Variants in SLC29A4 observed in about 807,000 individuals in gnomAD.
SLC29A4 encodes the protein equilibrative nucleoside transporter 4.
SLC29A4 carries 36 observed loss-of-function variants against 43.9 expected under a neutral mutation model. The ratio of observed to expected loss-of-function variants is 0.82; its 90% CI spans 0.63 to 1.08. SLC29A4 has a LOEUF of 1.08. SLC29A4 is among the 50% of genes least tolerant of loss of function. The probability of loss-of-function intolerance (pLI) is 0.00; values close to 1 mark genes in which losing one functional copy is unlikely to be tolerated. For synonymous variants in SLC29A4, 491 were observed against 338.0 expected (o/e 1.45, Z -4.97); for missense variants, 869 against 755.3 (o/e 1.15, Z -1.77).
At position 5,303,263 on chromosome 7, in the gene SLC29A4, G is replaced by A. The variant is rs1432435707; in HGVS notation, c.*324G>A. 32 of 424,802 alleles carry A rather than the reference G, an allele frequency of 7.5e-5. 1 individual carries two copies. The highest frequency in any genetic ancestry group is 6.4e-4 in the South Asian group (25 of 39,190). The allele number at this position is 424,802 out of a possible 1,614,324, so 26.3% of individuals were successfully genotyped here. A position where few individuals can be genotyped will look rare whatever the true frequency, so the allele number is the denominator to read the frequency against. On this transcript the variant is annotated 3_prime_UTR_variant, in exon 11 of 11. Transcript: ENST00000396872. ...AGCACTCTGCAGGGTCACACGCACC[G>A]TGTCCCCACCCAGGACAGCAGACAC...
Position 5,300,408 on chromosome 7 carries a change from C to T in SLC29A4, c.1210-14C>T, listed in dbSNP as rs1049703730. The T allele has an allele frequency of 3.1e-6, 5 of 1,610,794 alleles. No individual in the cohort carries two copies. In the African/African-American group the frequency reaches 4.0e-5, roughly 13 times the overall value. On this transcript the variant is annotated splice_polypyrimidine_tract_variant and intron_variant, in intron 9 of 10. Coordinates refer to ENST00000396872, the MANE Select transcript of SLC29A4 (RefSeq NM_153247.4). ...TGGCCGGGACAGGGCGCCCACTTGCCTGGCTCTCTGCAGATCCTGGCAGCC... is the reference window on the plus strand; with the variant it reads ...TGGCCGGGACAGGGCGCCCACTTGCTTGGCTCTCTGCAGATCCTGGCAGCC...
chr7:5,288,494 C>A (rs181555705), intron 2 of SLC29A4, among the ~76,000 whole-genome samples: 1 of 151,612 alleles, frequency 6.6e-6, no homozygotes, highest in Admixed American at 6.6e-5. Flanking sequence ...TTAGTAGAGA[C>A]GGGGTTTCAC....
intron 1 of SLC29A4, among the ~76,000 whole-genome samples, chr7:5,285,125 C>CT (rs1310626782): frequency 5.3e-5 from 8 of 152,190 alleles, no homozygotes; most frequent in African/African-American, 1.9e-4. Flanking sequence ...TTTGCTGACT[C>CT]TCTGGCGCCT....
Position 5,290,860 on chromosome 7 carries a change from C to A in SLC29A4, c.298C>A (p.Pro100Thr), listed in dbSNP as rs1249768507. 1 of 1,610,172 alleles carries A rather than the reference C, an allele frequency of 6.2e-7. No homozygotes were observed. Among genetic ancestry groups the A allele is most frequent in the Non-Finnish European group, 8.5e-7 (1 of 1,178,038 alleles). ...CGTGGACTACCTGCATCACAAGTAC[C>A]CAGGTGGGTCCCTCCACGGTCACGC... Reference protein sequence around the residue: ...TDVDYLHHKYPGTSIVFDMSL... With the variant: ...TDVDYLHHKYTGTSIVFDMSL... Residue 100 changes from proline (P) to threonine (T), a missense_variant, in exon 3 of 11, where the codon CCA becomes ACA. Coordinates refer to ENST00000396872, the MANE Select transcript of SLC29A4 (RefSeq NM_153247.4).
At chr7:5,301,796 G>GC (rs1006131727) in intron 10 of SLC29A4, among the ~76,000 whole-genome samples, 2 of 152,140 alleles carry the variant, frequency 1.3e-5, no homozygotes, top group African/African-American at 2.4e-5. Context: ...GGGGTCCACT[G>GC]CTCAAGGCAA....
Position 5,287,932 on chromosome 7 carries a change from CGGCTCA to C in SLC29A4, c.119_124del (p.Ala40_Gln41del), listed in dbSNP as rs746533860. 140 of 1,611,634 alleles carry C rather than the reference CGGCTCA, an allele frequency of 8.7e-5. No individual in the cohort carries two copies. The highest frequency in any genetic ancestry group is 1.1e-4 in the Non-Finnish European group (135 of 1,179,798). On this transcript the variant is annotated inframe_deletion, in exon 2 of 11. Coordinates refer to ENST00000396872, the MANE Select transcript of SLC29A4 (RefSeq NM_153247.4). The stretch of plus-strand genomic sequence containing the variant: ...CACCAGCTGGAGGAGGCGGCGGAGG[CGGCTCA>C]GGGCCAGGGCCTTAGGGCCAGGGGC...
chr7:5,296,800 T>C, intron 6 of SLC29A4, 136 bp from the exon 7 acceptor site: 1 of 886,606 alleles, frequency 1.1e-6, no homozygotes, highest in Non-Finnish European at 1.5e-6. Context: ...GGGCGGGGCC[T>C]GTGGGTGGGG....
chr7:5,291,578 C>G (rs888102274), intron 4 of SLC29A4, 115 bp from the exon 5 acceptor site: 7 of 1,388,954 alleles, frequency 5.0e-6, no homozygotes, highest in Non-Finnish European at 6.8e-6. Context: ...CCCTGGCCCT[C>G]CTTAAAGGGG....
intron 2 of SLC29A4, among the ~76,000 whole-genome samples, chr7:5,289,873 C>T (rs970617264): frequency 3.9e-5 from 6 of 152,056 alleles, no homozygotes; most frequent in Non-Finnish European, 7.4e-5. Context: ...TCTTCTCCTT[C>T]CATATCCTAT....
At chr7:5,298,650 G>T (rs1259676716) in intron 7 of SLC29A4, among the ~76,000 whole-genome samples, 3 of 152,106 alleles carry the variant, frequency 2.0e-5, no homozygotes, top group African/African-American at 7.2e-5. Flanking sequence ...CGGCAAAAAA[G>T]ATTGGCCTGG....
Position 5,291,838 on chromosome 7 carries a change from A to G in SLC29A4, c.544+17A>G. On this transcript the variant is annotated intron_variant, in intron 5 of 10. Transcript: ENST00000396872. ...GCTGCACAGGTAGGAACCGGGGCCC[A>G]AGGGGGAGGCCTTGAGTGCCCACTT... is the stretch of plus-strand genomic sequence containing the variant. 6.2e-7 allele frequency: 1 copy of G among 1,608,358 alleles called. No individual in the cohort carries two copies. The highest frequency in any genetic ancestry group is 8.5e-7 in the Non-Finnish European group (1 of 1,177,712).
chr7:5,299,849 C>G (rs1786011165), intron 9 of SLC29A4, among the ~76,000 whole-genome samples: 1 of 152,188 alleles, frequency 6.6e-6, no homozygotes, highest in African/African-American at 2.4e-5. Flanking sequence ...GCCAGGAGTT[C>G]TAGACCAACC....
Position 5,297,074 on chromosome 7 carries a change from G to C in SLC29A4, c.758G>C (p.Arg253Pro). The C allele has an allele frequency of 6.2e-7, 1 of 1,607,944 alleles. No homozygotes were observed. Among genetic ancestry groups the C allele is most frequent in the Non-Finnish European group, 8.5e-7 (1 of 1,179,720 alleles). The change falls in exon 7 of 11, where the codon CGG (arginine) becomes CCG (proline). Residue 253 changes from arginine (R) to proline (P), a missense_variant. Physicochemically the swap from Arg to Pro is moderately radical, Grantham distance 103. Transcript: ENST00000396872. The stretch of plus-strand genomic sequence containing the variant: ...TGTTTCCTGCTGCACCTGTTAGTGC[G>C]GCGCAGCCGCTTCGTGCTCTTCTAT... ...LLCFLLHLLVRRSRFVLFYTT... is the reference protein window; with the variant it reads ...LLCFLLHLLVPRSRFVLFYTT...
chr7:5,302,020 A>G (rs1433859800), intron 10 of SLC29A4, among the ~76,000 whole-genome samples: 1 of 152,056 alleles, frequency 6.6e-6, no homozygotes, highest in Admixed American at 6.6e-5. Flanking sequence ...GCACGATCTC[A>G]GCTCACTGCA....
intron 3 of SLC29A4, 87 bp from the exon 4 acceptor site, chr7:5,291,037 G>A (rs964565289): frequency 1.5e-5 from 23 of 1,550,810 alleles, no homozygotes; most frequent in Admixed American, 6.8e-5. Context: ...TGTGGGCAGC[G>A]AGCCCCTTCT....
rs762139690 is a variant in SLC29A4 at position 5,290,734 on chromosome 7, T to C, written c.172T>C (p.Leu58=). The C allele has an allele frequency of 1.4e-5, 22 of 1,608,518 alleles. No individual in the cohort carries two copies. The highest frequency in any genetic ancestry group is 3.3e-4 in the Middle Eastern group (2 of 6,062). ...RGVPAFTDTT[L]DEPVPDDRYH... The stretch of plus-strand genomic sequence containing the variant: ...TCACCTGGTGTCTCTGGCTTTAGCA[T>C]TGGACGAGCCAGTGCCCGATGACCG... Residue 58 remains leucine, a splice_region_variant and synonymous_variant, in exon 3 of 11, where the codon TTG becomes CTG. Transcript: ENST00000396872.
chr7:5,302,781 C>T lies in SLC29A4; in HGVS notation c.1451-16C>T. On this transcript the variant is annotated splice_polypyrimidine_tract_variant and intron_variant, in intron 10 of 10. Transcript: ENST00000396872. ...CCGCCCTGGCCCTGCTCCCCTCAGG[C>T]TGGTGTTGTCCACAGGGAACACCAT... The T allele has an allele frequency of 1.3e-6, 2 of 1,548,592 alleles. No homozygotes were observed. The highest frequency in any genetic ancestry group is 1.7e-6 in the Non-Finnish European group (2 of 1,145,512).
At chr7:5,297,274 G>A in intron 7 of SLC29A4, 76 bp downstream of exon 7, 1 of 1,419,494 alleles carries the variant, frequency 7.0e-7, no homozygotes, top group Non-Finnish European at 9.3e-7. Flanking sequence ...GGAAGTACCT[G>A]GGGCCCAGCC....
rs1158907498 is a variant in SLC29A4 at position 5,291,332 on chromosome 7, C to T, written c.415+95C>T. On this transcript the variant is annotated intron_variant, in intron 4 of 10. Coordinates refer to ENST00000396872, the MANE Select transcript of SLC29A4 (RefSeq NM_153247.4). ...CCCAGTTTCCCTGAGCCTCACTCCC[C>T]TCGTCTGTAAAATGGGCACACTTCC... 3.3e-6 allele frequency: 4 copies of T among 1,207,920 alleles called. No homozygotes were observed. The African/African-American group carries it at 4.5e-5, about 14-fold the overall frequency. 74.8% of individuals were successfully genotyped at this position (1,207,920 alleles called of 1,614,324 possible).
Sources: gnomAD v4.1 joint callset for allele counts (sites outside exome capture counted in the v4.1 genomes callset) on GRCh38, gnomAD v4.1.1 for gene constraint, MANE v1.5 for transcripts, NCBI Gene and HGNC (gene_info 2026-07-23, HGNC 2026-07-21) for gene names.